The following WIF1 variants were observed in gnomAD, a reference collection of about 807,000 sequenced individuals.
The protein encoded by WIF1 is Wnt inhibitory factor 1.
Under a neutral mutation model 53.5 loss-of-function variants are expected in WIF1, and 35 were observed. That is an observed-to-expected ratio of 0.65 (90% CI 0.50 to 0.87). The LOEUF (loss-of-function observed/expected upper bound fraction) is 0.87. WIF1 is among the 40% of genes least tolerant of loss of function. The probability of loss-of-function intolerance (pLI) is 0.00; values close to 1 mark genes in which losing one functional copy is unlikely to be tolerated. For missense variants in WIF1, 467 were observed against 476.8 expected (o/e 0.98, Z 0.19); for synonymous variants, 171 against 170.4 (o/e 1.00, Z -0.03).
rs1883342748 is a variant in WIF1 at position 65,105,762 on chromosome 12, C to G, written c.288+14655G>C. Among the ~76,000 whole-genome samples the G allele has an allele frequency of 2.0e-5, 3 of 152,112 alleles. 1 individual carries two copies. Among genetic ancestry groups the G allele is most frequent in the Admixed American group, 2.0e-4 (3 of 15,274 alleles). On this transcript the variant is annotated intron_variant, in intron 2 of 9. Coordinates refer to ENST00000286574, the MANE Select transcript of WIF1 (RefSeq NM_007191.5). Reference sequence around the variant, plus strand: ...TTCATGAGGGATCTGCCCCCATGACCCAAACACCTCCCACTGGGCCCCACC... The same window carrying G: ...TTCATGAGGGATCTGCCCCCATGACGCAAACACCTCCCACTGGGCCCCACC...
At chr12:65,097,694 C>T (rs749915978) in intron 2 of WIF1, among the ~76,000 whole-genome samples, 1 of 152,148 alleles carries the variant, frequency 6.6e-6, no homozygotes, top group Non-Finnish European at 1.5e-5. Context: ...TTCAAAAAAT[C>T]AAGTCCTTCC....
intron 4 of WIF1, 91 bp from the exon 5 acceptor site, chr12:65,067,881 G>A (rs893887996): frequency 9.5e-7 from 1 of 1,057,718 alleles, no homozygotes; most frequent in Non-Finnish European, 1.4e-6. Flanking sequence ...GTTCATTTCT[G>A]TTCTAGCCCA....
Position 65,101,213 on chromosome 12 carries a change from T to C in WIF1, c.288+19204A>G, listed in dbSNP as rs372879426. Among the ~76,000 whole-genome samples the C allele has an allele frequency of 1.1e-4, 17 of 152,338 alleles. No homozygotes were observed. In the South Asian group the frequency reaches 3.1e-3, roughly 28 times the overall value. On this transcript the variant is annotated intron_variant, in intron 2 of 9. Coordinates refer to ENST00000286574, the MANE Select transcript of WIF1 (RefSeq NM_007191.5). The stretch of plus-strand genomic sequence containing the variant: ...TATGTTCTTGGTGAGTAAAAAGTTT[T>C]GCAAGTTATAATTACTACAAAGACA...
chr12:65,063,805 C>T (rs184138943), intron 6 of WIF1, among the ~76,000 whole-genome samples: 6 of 151,872 alleles, frequency 4.0e-5, no homozygotes, highest in Admixed American at 3.9e-4. Context: ...CCTTAAATCC[C>T]TGGGCTTAAG....
intron 1 of WIF1, 50 bp downstream of exon 1, chr12:65,120,994 G>T: frequency 7.1e-7 from 1 of 1,399,400 alleles, no homozygotes; most frequent in Non-Finnish European, 9.3e-7. Flanking sequence ...CTTGAAGAGT[G>T]GAGAGAGGAG....
At chr12:65,072,044 A>G (rs933140030) in intron 3 of WIF1, among the ~76,000 whole-genome samples, 5 of 152,170 alleles carry the variant, frequency 3.3e-5, no homozygotes, top group African/African-American at 9.7e-5. Context: ...AACTTTATCT[A>G]TAAGACCATT....
chr12:65,087,683 C>T (rs1009629678), intron 2 of WIF1, among the ~76,000 whole-genome samples: 2 of 151,906 alleles, frequency 1.3e-5, no homozygotes, highest in African/African-American at 4.8e-5. Context: ...TGAAAAAATG[C>T]ATTAGATACT....
intron 7 of WIF1, among the ~76,000 whole-genome samples, chr12:65,057,932 G>A (rs1195761026): frequency 6.6e-6 from 1 of 152,122 alleles, no homozygotes; most frequent in African/African-American, 2.4e-5. Flanking sequence ...AGTCATTGTG[G>A]AGACAATATA....
At chr12:65,083,804 T>TTCCTTTCCTTTCCTC (rs1882988241) in intron 2 of WIF1, 2 of 334,218 alleles carry the variant, frequency 6.0e-6, no homozygotes, top group African/African-American at 5.9e-5. Flanking sequence ...TTCCTTTCCT[T>TTCCTTTCCTTTCCTC]TCCTTTCCTT....
At chr12:65,116,454 C>T (rs1883511934) in intron 2 of WIF1, among the ~76,000 whole-genome samples, 1 of 151,906 alleles carries the variant, frequency 6.6e-6, no homozygotes, top group Non-Finnish European at 1.5e-5. Context: ...TCACTGTCTC[C>T]CATCACCCTC....
intron 3 of WIF1, among the ~76,000 whole-genome samples, chr12:65,075,304 C>A (rs1256526184): frequency 6.6e-6 from 1 of 152,136 alleles, no homozygotes; most frequent in African/African-American, 2.4e-5. Flanking sequence ...CTGAAAATGC[C>A]CTTTGTAAAA....
chr12:65,088,772 G>A (rs1276971074), intron 2 of WIF1, among the ~76,000 whole-genome samples: 1 of 151,674 alleles, frequency 6.6e-6, no homozygotes, highest in Non-Finnish European at 1.5e-5. Context: ...ACCTTCACAT[G>A]CTCTTCTCTC....
intron 7 of WIF1, 137 bp from the exon 8 acceptor site, chr12:65,056,263 C>T (rs1882524390): frequency 6.0e-6 from 4 of 662,536 alleles, no homozygotes; most frequent in Non-Finnish European, 7.1e-6. Flanking sequence ...CAGATCTACT[C>T]TGGCTTTTTT....
rs113039994 is a variant in WIF1 at position 65,119,133 on chromosome 12, A to G, written c.288+1284T>C. Among the ~76,000 whole-genome samples, 270 of 152,356 alleles carry G rather than the reference A, an allele frequency of 1.8e-3. 1 individual carries two copies. Among genetic ancestry groups the G allele is most frequent in the African/African-American group, 6.3e-3 (264 of 41,582 alleles). On this transcript the variant is annotated intron_variant, in intron 2 of 9. Transcript: ENST00000286574. ...GCTGAAAAGGAGAAAATGAAAGGCC[A>G]TTCGTTGGTTTATTACTGATTTCAC...
At position 65,066,741 on chromosome 12, in the gene WIF1, T is replaced by C. The variant is rs768655954; in HGVS notation, c.635-5A>G. The C allele has an allele frequency of 6.3e-7, 1 of 1,589,320 alleles. No homozygotes were observed. The highest frequency in any genetic ancestry group is 8.6e-7 in the Non-Finnish European group (1 of 1,168,760). ...TACATCGTGGGGTACAAAGGGCTTA[T>C]AGGGAGAGAGAACCCTGATTAAGGC... On this transcript the variant is annotated splice_region_variant and splice_polypyrimidine_tract_variant and intron_variant, in intron 5 of 9. Coordinates refer to ENST00000286574, the MANE Select transcript of WIF1 (RefSeq NM_007191.5).
At chr12:65,059,622 G>A (rs1268942202) in intron 7 of WIF1, among the ~76,000 whole-genome samples, 1 of 151,922 alleles carries the variant, frequency 6.6e-6, no homozygotes. Context: ...CAATCAACTC[G>A]GAATAAAGTT....
intron 2 of WIF1, among the ~76,000 whole-genome samples, chr12:65,080,746 C>G (rs1205703157): frequency 6.6e-6 from 1 of 152,096 alleles, no homozygotes; most frequent in Non-Finnish European, 1.5e-5. Context: ...CCAAAACATT[C>G]TAAAGACTTA....
rs745975889 is a variant in WIF1, at chr12:65,062,497, T to A, written c.810A>T (p.Gly270=). Residue 270 remains glycine (G), a synonymous_variant, in exon 7 of 10, where the codon GGA becomes GGT. Coordinates refer to ENST00000286574, the MANE Select transcript of WIF1 (RefSeq NM_007191.5). ...GKCICPPGLE[G]EQCEISKCPQ... ...AATACTCACTGATTTCACACTGCTC[T>A]CCCTCTAGTCCTGGAGGGCAAATAC... The A allele has an allele frequency of 2.5e-6, 4 of 1,606,684 alleles. No homozygotes were observed. Among genetic ancestry groups the A allele is most frequent in the Non-Finnish European group, 2.6e-6 (3 of 1,175,754 alleles).
chr12:65,121,224 T>G lies in WIF1; in HGVS notation c.-33A>C, dbSNP rs1161365500. 2.1e-6 allele frequency: 3 copies of G among 1,418,608 alleles called. No homozygotes were observed. The highest frequency in any genetic ancestry group is 2.8e-6 in the Non-Finnish European group (3 of 1,075,564). 87.9% of individuals were successfully genotyped at this position (1,418,608 alleles called of 1,614,324 possible). A position where few individuals can be genotyped will look rare whatever the true frequency, so the allele number is the denominator to read the frequency against. The stretch of plus-strand genomic sequence containing the variant: ...AGGACCTCCTCGCTGCCGGGAAAAC[T>G]CCTCGTGCCGCACCTACGCAACCTG... On this transcript the variant is annotated 5_prime_UTR_variant, in exon 1 of 10. Transcript: ENST00000286574.
Sources: gnomAD v4.1 joint callset for allele counts (sites outside exome capture counted in the v4.1 genomes callset) on GRCh38, gnomAD v4.1.1 for gene constraint, MANE v1.5 for transcripts, NCBI Gene and HGNC (gene_info 2026-07-23, HGNC 2026-07-21) for gene names.